The following TAB2 variants were observed in gnomAD, a reference collection of about 807,000 sequenced individuals.
The protein encoded by TAB2 is TGF-beta activated kinase 1 (MAP3K7) binding protein 2.
In TAB2, 3 loss-of-function variants were observed where a neutral mutation model predicts 65.0. The ratio of observed to expected loss-of-function variants is 0.05; its 90% CI spans 0.02 to 0.12. The LOEUF is 0.12. TAB2 is among the 10% of genes least tolerant of loss of function. The pLI is 1.00. For missense variants in TAB2, 623 were observed against 840.3 expected, an observed-to-expected ratio of 0.74 and a Z score of 3.20; for synonymous variants, 298 against 285.1, an observed-to-expected ratio of 1.05 and a Z score of -0.46.
At chr6:149,315,406 TTTA>T (rs1371103323), upstream of TAB2, among the ~76,000 whole-genome samples, 1 of 152,228 alleles carries the variant, frequency 6.6e-6, no homozygotes, top group Non-Finnish European at 1.5e-5. Context: ...ATGTATGTAT[TTTA>T]TTTTTTTCTG....
chr6:149,235,248 G>T lies in TAB2; in HGVS notation c.-121+16472G>T, dbSNP rs551990273. ...TGGGTTTACGGTTTCAATCCCGGAT[G>T]ACACACTGTAAGAGGGACCTTGAGA... On this transcript the variant is annotated intron_variant, in intron 1 of 1. Coordinates refer to the TAB2 transcript ENST00000606202. 2.6e-5 allele frequency among the ~76,000 whole-genome samples: 4 copies of T among 152,354 alleles called. No individual in the cohort carries two copies. In the East Asian group the frequency reaches 7.7e-4, roughly 29 times the overall value.
rs747053355 is a variant in TAB2 at position 149,378,506 on chromosome 6, A to G, written c.591A>G (p.Ile197Met). ...GTAATACTCCTACATCTTTGCACAT[A>G]CATGGTGTACCTCCACCTGTACTTA... ...TGRNTPTSLH[I>M]HGVPPPVLNS... is the part of the protein sequence containing the mutation. Residue 197 changes from isoleucine to methionine, a missense_variant, in exon 3 of 7, where the codon ATA (isoleucine) becomes ATG (methionine). Around this residue, in one of 3 missense-constraint regions of TAB2, gnomAD observed 550 missense variants for 665.7 expected, o/e 0.83. Coordinates refer to ENST00000637181, the MANE Select transcript of TAB2 (RefSeq NM_001292034.3). The G allele has an allele frequency of 6.2e-7, 1 of 1,614,160 alleles. No individual in the cohort carries two copies. Among genetic ancestry groups the G allele is most frequent in the Non-Finnish European group, 8.5e-7 (1 of 1,180,040 alleles).
At chr6:149,245,098 A>C (rs1418003412) in intron 1 of TAB2, 1 of 152,246 alleles carries the variant, frequency 6.6e-6, no homozygotes, top group Non-Finnish European at 1.5e-5. Flanking sequence ...GACAGCATCC[A>C]CACTCATAAC....
upstream of TAB2, among the ~76,000 whole-genome samples, chr6:149,316,628 C>CT (rs35459538): frequency 0.41 from 61,248 of 150,682 alleles, 12,460 homozygotes; most frequent in East Asian, 0.47. Flanking sequence ...ATTAAACACG[C>CT]TTTTTTTTTC....
intron 6 of TAB2, among the ~76,000 whole-genome samples, chr6:149,403,648 A>G (rs1410904352): frequency 1.3e-5 from 2 of 151,966 alleles, no homozygotes; most frequent in African/African-American, 4.8e-5. Flanking sequence ...CGATACCCAC[A>G]TGCTTTCTGT....
chr6:149,249,510 GTC>G (rs138748821), intron 1 of TAB2, among the ~76,000 whole-genome samples: 1,659 of 151,198 alleles, frequency 0.011, 30 homozygotes, highest in African/African-American at 0.038. Context: ...CTCTATCTCT[GTC>G]TCTTTCTCTC....
chr6:149,257,579 A>G (rs1038506653), intron 1 of TAB2: 1 of 152,156 alleles, frequency 6.6e-6, no homozygotes, highest in African/African-American at 2.4e-5. Flanking sequence ...GTGGCCCATG[A>G]ACCCCTGGCC....
At chr6:149,271,758 T>C (rs1330315758) in intron 1 of TAB2, among the ~76,000 whole-genome samples, 1 of 152,042 alleles carries the variant, frequency 6.6e-6, no homozygotes, top group African/African-American at 2.4e-5. Context: ...GAAATGGAGG[T>C]GTGGTAACTA....
chr6:149,402,200 T>C (rs1331671966), intron 6 of TAB2, among the ~76,000 whole-genome samples: 1 of 150,616 alleles, frequency 6.6e-6, no homozygotes, highest in Non-Finnish European at 1.5e-5. Context: ...GCTAGATAAA[T>C]TGAGAAAAAA....
intron 3 of TAB2, among the ~76,000 whole-genome samples, chr6:149,386,856 A>G (rs1436560641): frequency 3.9e-5 from 6 of 152,020 alleles, no homozygotes; most frequent in Admixed American, 2.6e-4. Flanking sequence ...GCATTTCCCT[A>G]TTGGCTAATG....
intron 1 of TAB2, among the ~76,000 whole-genome samples, chr6:149,224,350 T>A (rs555120336): frequency 6.6e-6 from 1 of 152,360 alleles, no homozygotes; most frequent in South Asian, 2.1e-4. Flanking sequence ...AGGAACTTTT[T>A]AGCAAAAATT....
Position 149,357,428 on chromosome 6 carries a change from A to ACAC in TAB2, c.-89-12481_-89-12480insCAC, listed in dbSNP as rs1223441586. Among the ~76,000 whole-genome samples, 94 of 65,592 alleles carry ACAC rather than the reference A, an allele frequency of 1.4e-3. 1 individual carries two copies. Among genetic ancestry groups the ACAC allele is most frequent in the African/African-American group, 4.6e-3 (83 of 18,040 alleles). The allele number at this position is 65,592 out of a possible 152,430, so 43.0% of individuals were successfully genotyped here. A position where few individuals can be genotyped will look rare whatever the true frequency, so the allele number is the denominator to read the frequency against. The stretch of plus-strand genomic sequence containing the variant: ...GAGACTCCGTCTCAAGGAGAAAAAA[A>ACAC]AAACACACACACACACACACACACA... On this transcript the variant is annotated intron_variant, in intron 1 of 6. Coordinates refer to ENST00000637181, the MANE Select transcript of TAB2 (RefSeq NM_001292034.3).
intron 1 of TAB2, among the ~76,000 whole-genome samples, chr6:149,356,077 T>C (rs1165379825): frequency 3.3e-5 from 5 of 152,244 alleles, no homozygotes; most frequent in African/African-American, 9.6e-5. Context: ...ATTTGAATTA[T>C]TGAATCTGTT....
intron 1 of TAB2, among the ~76,000 whole-genome samples, chr6:149,235,026 C>T (rs529746300): frequency 6.6e-6 from 1 of 152,334 alleles, no homozygotes; most frequent in African/African-American, 2.4e-5. Context: ...GACTTCAGCA[C>T]TTTTTATTAG....
chr6:149,340,494 A>G (rs1780080995), intron 1 of TAB2, among the ~76,000 whole-genome samples: 1 of 152,202 alleles, frequency 6.6e-6, no homozygotes, highest in African/African-American at 2.4e-5. Flanking sequence ...TTAAAAGAGT[A>G]AAAGCAAGTT....
intron 1 of TAB2, among the ~76,000 whole-genome samples, chr6:149,307,619 G>A (rs1779093093): frequency 6.6e-6 from 1 of 151,864 alleles, no homozygotes; most frequent in African/African-American, 2.4e-5. Flanking sequence ...TATTTACAAA[G>A]GTTTCCCTAC....
chr6:149,284,674 A>T (rs1238061654), intron 1 of TAB2, among the ~76,000 whole-genome samples: 1 of 151,586 alleles, frequency 6.6e-6, no homozygotes, highest in South Asian at 2.1e-4. Context: ...ACACACACAC[A>T]CACACACACA....
At chr6:149,309,970 T>C (rs1779140877) in intron 1 of TAB2, among the ~76,000 whole-genome samples, 1 of 152,136 alleles carries the variant, frequency 6.6e-6, no homozygotes, top group African/African-American at 2.4e-5. Flanking sequence ...TTATTTTATT[T>C]CAGTTAATAA....
intron 1 of TAB2, among the ~76,000 whole-genome samples, chr6:149,353,399 C>G (rs1408743873): frequency 6.6e-6 from 1 of 152,186 alleles, no homozygotes; most frequent in Admixed American, 6.5e-5. Flanking sequence ...TCCTCTCCAG[C>G]CCTTATTCTC....
Sources: gnomAD v4.1 joint callset for allele counts (sites outside exome capture counted in the v4.1 genomes callset) on GRCh38, gnomAD v4.1.1 for gene constraint, gnomAD v4.1.1 regional missense constraint, MANE v1.5 for transcripts, NCBI Gene and HGNC (gene_info 2026-07-23, HGNC 2026-07-21) for gene names.